The following GSDMD variants were observed in gnomAD, a reference collection of about 807,000 sequenced individuals.
The protein encoded by GSDMD is gasdermin-D.
In GSDMD, 46 loss-of-function variants were observed where a neutral mutation model predicts 46.7. The ratio of observed to expected loss-of-function variants is 0.99; its 90% CI spans 0.78 to 1.26. The LOEUF is 1.26. Ranked by LOEUF, GSDMD falls within the 50% of genes most tolerant of loss-of-function variation. The pLI, the probability that GSDMD is intolerant of heterozygous loss-of-function variation, is 0.00. For synonymous variants in GSDMD, 307 were observed against 283.1 expected (o/e 1.08, Z -0.85); for missense variants, 649 against 638.8 (o/e 1.02, Z -0.17).
Position 143,559,878 on chromosome 8 carries a change from G to C in GSDMD, c.319G>C (p.Gly107Arg). 1 of 1,612,762 alleles carries C rather than the reference G, an allele frequency of 6.2e-7. No individual in the cohort carries two copies. Among genetic ancestry groups the C allele is most frequent in the Non-Finnish European group, 8.5e-7 (1 of 1,179,956 alleles). ...AAPGQAKIAGGAAVSDSSSTS... is the reference protein window; with the variant it reads ...AAPGQAKIAGRAAVSDSSSTS... ...CCCAGGACAGGCAAAGATCGCAGGCGGGGCCGCGGTGTCTGACAGCTCCAG... is the reference window on the plus strand; with the variant it reads ...CCCAGGACAGGCAAAGATCGCAGGCCGGGCCGCGGTGTCTGACAGCTCCAG... Residue 107 changes from glycine to arginine, a missense_variant, in exon 3 of 11, where the codon GGG (glycine) becomes CGG (arginine). Gly to Arg is a moderately radical substitution (Grantham distance 125). Coordinates refer to ENST00000262580, the MANE Select transcript of GSDMD (RefSeq NM_024736.7).
upstream of GSDMD, chr8:143,558,220 G>A (rs192283757): frequency 2.2e-4 from 257 of 1,183,224 alleles, 1 homozygote; most frequent in Admixed American, 1.5e-3. Flanking sequence ...CCAAGCCAAG[G>A]TTCCTCCGGA....
chr8:143,559,981 G>GAGGGCTGGGC lies in GSDMD; in HGVS notation c.410+17_410+18insTGGGCAGGGC. On this transcript the variant is annotated intron_variant, in intron 3 of 10. Coordinates refer to ENST00000262580, the MANE Select transcript of GSDMD (RefSeq NM_024736.7). ...CTGCTCCATGAGAGGTGGGCCCGAA[G>GAGGGCTGGGC]AGGGCAGGGCAGGGCAGGGCCCCAC... 1 of 1,588,500 alleles carries GAGGGCTGGGC rather than the reference G, an allele frequency of 6.3e-7. No homozygotes were observed. The highest frequency in any genetic ancestry group is 8.6e-7 in the Non-Finnish European group (1 of 1,161,170).
At position 143,562,012 on chromosome 8, in the gene GSDMD, G is replaced by C. The variant is rs756152088; in HGVS notation, c.877G>C (p.Glu293Gln). 6.2e-7 allele frequency: 1 copy of C among 1,605,020 alleles called. No homozygotes were observed. The highest frequency in any genetic ancestry group is 1.1e-5 in the South Asian group (1 of 90,652). ...TGAAGACTTCCAGGGCCTACGGGCA[G>C]AGGTGGAGACCATCTCCAAGGAACT... ...FTEDFQGLRA[E>Q]VETISKELEL... The change falls in exon 8 of 11, where the codon GAG becomes CAG. Residue 293 changes from glutamate to glutamine, a missense_variant. Physicochemically the swap from Glu to Gln is conservative, Grantham distance 29 (BLOSUM62 2). Coordinates refer to ENST00000262580, the MANE Select transcript of GSDMD (RefSeq NM_024736.7).
chr8:143,558,140 C>T (rs568691697), upstream of GSDMD: 16 of 580,286 alleles, frequency 2.8e-5, no homozygotes, highest in Non-Finnish European at 3.5e-5. Context: ...GTGATCCGCC[C>T]GGGCACAGGC....
upstream of GSDMD, chr8:143,558,136 C>T (rs547000366): frequency 2.5e-5 from 14 of 568,264 alleles, no homozygotes; most frequent in South Asian, 2.3e-4. Context: ...TCAGGTGATC[C>T]GCCCGGGCAC....
chr8:143,561,697 CT>C, intron 6 of GSDMD, 44 bp from the exon 7 acceptor site: 1 of 1,493,098 alleles, frequency 6.7e-7, no homozygotes, highest in Non-Finnish European at 9.2e-7. Context: ...CTCAGACACC[CT>C]TCCCCGGCAC....
At chr8:143,561,207 G>GAACAACGTCCTGTGTCTGGCTC in intron 5 of GSDMD, 103 bp downstream of exon 5, 1 of 1,276,442 alleles carries the variant, frequency 7.8e-7, no homozygotes. Flanking sequence ...GCCCCTGGCT[G>GAACAACGTCCTGTGTCTGGCTC]AACAACGTCC....
intron 1 of GSDMD, 104 bp downstream of exon 1, chr8:143,558,555 G>T (rs532939073): frequency 1.8e-6 from 2 of 1,133,896 alleles, no homozygotes; most frequent in Non-Finnish European, 2.4e-6. Context: ...CCCAGCGTTC[G>T]CCCAGAAGGC....
At chr8:143,561,690 A>G in intron 6 of GSDMD, 52 bp from the exon 7 acceptor site, 1 of 1,448,460 alleles carries the variant, frequency 6.9e-7, no homozygotes, top group Non-Finnish European at 9.5e-7. Context: ...TCTCTGGCTC[A>G]GACACCCTTC....
chr8:143,559,583 A>C (rs4874151), intron 2 of GSDMD, 31 bp downstream of exon 2: 1,273,907 of 1,596,392 alleles, frequency 0.8, 510,450 homozygotes, highest in East Asian at 0.89. Flanking sequence ...GCAGAGCCCC[A>C]GGGAGGCTGG....
At position 143,562,070 on chromosome 8, in the gene GSDMD, T is replaced by G; in HGVS notation, c.935T>G (p.Leu312Arg). 6.3e-7 allele frequency: 1 copy of G among 1,597,100 alleles called. No individual in the cohort carries two copies. The change falls in exon 8 of 11, where the codon CTG (leucine) becomes CGG (arginine). Residue 312 changes from leucine to arginine, a missense_variant. Leu to Arg is a moderately radical substitution (Grantham distance 102). Transcript: ENST00000262580. ...TTGGACAGAGAGCTGTGCCAGCTGC[T>G]GCTGGAGGGCCTGGAGGGGGTGCTG... ...ELLDRELCQL[L>R]LEGLEGVLRD...
At position 143,562,812 on chromosome 8, in the gene GSDMD, C is replaced by G. The variant is rs750004853; in HGVS notation, c.1363C>G (p.His455Asp). Residue 455 changes from histidine (H) to aspartate (D), a missense_variant, in exon 11 of 11, where the codon CAC becomes GAC. Transcript: ENST00000262580. ...CGLELGEDTPHVCWEPQAQGR... is the reference protein window; with the variant it reads ...CGLELGEDTPDVCWEPQAQGR... ...CCTAGAGCTGGGGGAGGACACTCCC[C>G]ACGTGTGCTGGGAGCCGCAGGCCCA... 9 of 1,606,296 alleles carry G rather than the reference C, an allele frequency of 5.6e-6. No individual in the cohort carries two copies. Among genetic ancestry groups the G allele is most frequent in the Non-Finnish European group, 7.6e-6 (9 of 1,177,136 alleles).
At chr8:143,556,138 G>T (rs1250873681), upstream of GSDMD, 1 of 152,250 alleles carries the variant, frequency 6.6e-6, no homozygotes, top group Non-Finnish European at 1.5e-5. Context: ...TTGAGCCCGG[G>T]AGGCAGAGAT....
At chr8:143,560,818 C>CGGCGGCGGGTGACGGA in intron 4 of GSDMD, 47 bp downstream of exon 4, 5 of 1,466,692 alleles carry the variant, frequency 3.4e-6, no homozygotes, top group South Asian at 1.4e-5. Flanking sequence ...CGTGGGCATG[C>CGGCGGCGGGTGACGGA]GGCGGCGGGT....
chr8:143,562,328 C>T lies in GSDMD; in HGVS notation c.1116C>T (p.Val372=). The change falls in exon 9 of 11, where the codon GTC becomes GTT. Residue 372 remains valine (V), a synonymous_variant. Transcript: ENST00000262580. ...MLVPELAIPV[V]YLLGALTMLS... ...TGCCGGAACTCGCTATCCCTGTTGT[C>T]TACCTGCTGGGGGCACTGACCAGTG... is the stretch of plus-strand genomic sequence containing the variant. 1 of 1,548,956 alleles carries T rather than the reference C, an allele frequency of 6.5e-7. No homozygotes were observed. The highest frequency in any genetic ancestry group is 8.7e-7 in the Non-Finnish European group (1 of 1,147,894).
At chr8:143,559,129 A>G (rs1222044536) in intron 1 of GSDMD, 1 of 601,946 alleles carries the variant, frequency 1.7e-6, no homozygotes, top group Non-Finnish European at 3.0e-6. Context: ...ACCGTAGACA[A>G]CAGGGAGAAC....
intron 6 of GSDMD, 33 bp from the exon 7 acceptor site, chr8:143,561,709 T>G (rs1348532652): frequency 3.2e-6 from 5 of 1,558,850 alleles, no homozygotes; most frequent in Non-Finnish European, 4.4e-6. Context: ...TCCCCGGCAC[T>G]GACCAGCCCT....
At chr8:143,560,938 G>C (rs1823444119) in intron 4 of GSDMD, 64 bp from the exon 5 acceptor site, 2 of 1,539,834 alleles carry the variant, frequency 1.3e-6, no homozygotes, top group Non-Finnish European at 8.9e-7. Context: ...CCGGCACCCG[G>C]CCCGCACCCG....
At position 143,562,990 on chromosome 8, in the gene GSDMD, A is replaced by C. The variant is rs1250408423; in HGVS notation, c.*86A>C. 6.4e-7 allele frequency: 1 copy of C among 1,565,442 alleles called. No individual in the cohort carries two copies. Among genetic ancestry groups the C allele is most frequent in the Non-Finnish European group, 8.7e-7 (1 of 1,153,602 alleles). ...CTAGCCCTAGGAAGGCCAGGAGCCCAGTAGCCATGTGGCCAGTCTACCATG... is the reference window on the plus strand; with the variant it reads ...CTAGCCCTAGGAAGGCCAGGAGCCCCGTAGCCATGTGGCCAGTCTACCATG... On this transcript the variant is annotated 3_prime_UTR_variant, in exon 11 of 11. Coordinates refer to ENST00000262580, the MANE Select transcript of GSDMD (RefSeq NM_024736.7).
Sources: gnomAD v4.1 joint callset for allele counts on GRCh38, gnomAD v4.1.1 for gene constraint, MANE v1.5 for transcripts, NCBI Gene and HGNC (gene_info 2026-07-23, HGNC 2026-07-21) for gene names.